The following GPHN variants were observed in gnomAD, a reference collection of about 807,000 sequenced individuals.
GPHN encodes the protein gephyrin.
A neutral mutation model predicts 95.5 loss-of-function variants in GPHN; 17 were observed. The ratio of observed to expected loss-of-function variants is 0.18; its 90% CI spans 0.12 to 0.27. The LOEUF (loss-of-function observed/expected upper bound fraction) is 0.27. Ranked by LOEUF, GPHN falls within the 10% of genes least tolerant of loss-of-function variation. GPHN has a pLI of 1.00. For missense variants in GPHN, 660 were observed against 978.1 expected (o/e 0.67, Z 4.34); for synonymous variants, 320 against 322.5 (o/e 0.99, Z 0.08).
At chr14:67,705,391 T>C in the GPHN span, among the ~76,000 whole-genome samples, 2 of 152,242 alleles carry the variant, frequency 1.3e-5, no homozygotes, top group African/African-American at 4.8e-5. Flanking sequence ...GTCAACAGTT[T>C]GAGAAATTTT....
At chr14:67,139,162 G>T (rs928968585) in intron 17 of GPHN, among the ~76,000 whole-genome samples, 4 of 151,512 alleles carry the variant, frequency 2.6e-5, no homozygotes, top group African/African-American at 9.7e-5. Flanking sequence ...GGCGGAGGTT[G>T]CAGTGAGCCG....
At chr14:66,597,193 C>A (rs2062020195) in intron 1 of GPHN, among the ~76,000 whole-genome samples, 2 of 152,162 alleles carry the variant, frequency 1.3e-5, no homozygotes, top group South Asian at 4.1e-4. Context: ...CGAGAAGAGA[C>A]AAACCGGGTT....
chr14:67,635,024 C>T, the GPHN span, among the ~76,000 whole-genome samples: 3 of 152,162 alleles, frequency 2.0e-5, no homozygotes, highest in South Asian at 2.1e-4. Context: ...GAGGGTGGAT[C>T]GCCTGAGGCC....
At chr14:67,557,350 GA>G in the GPHN span, 4 of 1,613,990 alleles carry the variant, frequency 2.5e-6, no homozygotes, top group Non-Finnish European at 3.4e-6. Flanking sequence ...GAAATACCAA[GA>G]ATTGCTGAAA....
the GPHN span, among the ~76,000 whole-genome samples, chr14:67,240,888 T>A: frequency 1.3e-5 from 2 of 152,222 alleles, no homozygotes; most frequent in South Asian, 4.1e-4. Context: ...CACATCCAGG[T>A]GTTTATGTCA....
intron 8 of GPHN, among the ~76,000 whole-genome samples, chr14:66,963,577 C>G (rs745528236): frequency 6.6e-6 from 1 of 151,852 alleles, no homozygotes; most frequent in African/African-American, 2.4e-5. Context: ...GGTATTTGAC[C>G]TTCTTTTAAA....
At chr14:67,303,516 T>C in the GPHN span, 19 of 1,607,302 alleles carry the variant, frequency 1.2e-5, no homozygotes, top group South Asian at 2.0e-4. Context: ...GATCTTTCTA[T>C]TACAGTCTGA....
chr14:67,627,256 G>GATATATATATATATATATAT, the GPHN span, among the ~76,000 whole-genome samples: 401 of 133,634 alleles, frequency 3.0e-3, 1 homozygote, highest in African/African-American at 8.5e-3. Context: ...TCAGTAAGGA[G>GATATATATATATATATATAT]ATATATATAT....
chr14:67,483,395 C>G, the GPHN span, among the ~76,000 whole-genome samples: 9 of 152,214 alleles, frequency 5.9e-5, no homozygotes, highest in African/African-American at 2.2e-4. Flanking sequence ...TCCTAATCAG[C>G]ACACTGCACT....
At chr14:66,837,750 G>T (rs1331420253) in intron 4 of GPHN, among the ~76,000 whole-genome samples, 3 of 151,670 alleles carry the variant, frequency 2.0e-5, no homozygotes, top group African/African-American at 7.3e-5. Flanking sequence ...TTGCAATTTT[G>T]AGAATAAGGC....
the GPHN span, among the ~76,000 whole-genome samples, chr14:67,213,941 T>C: frequency 6.6e-6 from 1 of 152,218 alleles, no homozygotes; most frequent in African/African-American, 2.4e-5. Flanking sequence ...TTTCATGTGT[T>C]TTTTGGCTGC....
chr14:66,782,666 A>AAAT (rs1489003137), intron 3 of GPHN, among the ~76,000 whole-genome samples: 1 of 152,022 alleles, frequency 6.6e-6, no homozygotes, highest in Non-Finnish European at 1.5e-5. Context: ...AAAAATACAA[A>AAAT]AATAATAATA....
At chr14:67,021,638 A>G (rs1489631970) in intron 9 of GPHN, among the ~76,000 whole-genome samples, 2 of 152,192 alleles carry the variant, frequency 1.3e-5, no homozygotes, top group East Asian at 3.9e-4. Context: ...TACATTAGAA[A>G]ATGTATATAA....
chr14:67,171,131 A>G (rs1239474578), intron 21 of GPHN, among the ~76,000 whole-genome samples: 1 of 152,154 alleles, frequency 6.6e-6, no homozygotes, highest in Non-Finnish European at 1.5e-5. Flanking sequence ...GGAGGATTGC[A>G]TGAGGCCAAG....
chr14:67,315,695 C>A, the GPHN span, among the ~76,000 whole-genome samples: 2 of 152,182 alleles, frequency 1.3e-5, no homozygotes, highest in African/African-American at 4.8e-5. Flanking sequence ...GGAGGCCAAG[C>A]AGGAGGATCA....
At chr14:67,473,084 T>C in the GPHN span, 3 of 288,436 alleles carry the variant, frequency 1.0e-5, no homozygotes, top group African/African-American at 2.1e-5. This position sits in a 1 kb window ranked among gnomAD's most constrained non-coding sequence, Gnocchi z 6.5. Flanking sequence ...CCATTCTCAT[T>C]GTCCCTTGGC....
the GPHN span, chr14:67,578,493 T>G: frequency 2.3e-6 from 3 of 1,313,102 alleles, no homozygotes; most frequent in South Asian, 3.7e-5. The surrounding 1 kb of genome is among the most constrained non-coding windows in gnomAD (Gnocchi z 5.0). Context: ...GGTGGTGCTG[T>G]AGGCCCAGCA....
At chr14:66,630,821 T>C (rs2063768059) in intron 1 of GPHN, among the ~76,000 whole-genome samples, 1 of 152,152 alleles carries the variant, frequency 6.6e-6, no homozygotes, top group South Asian at 2.1e-4. Flanking sequence ...GTCATGCCAG[T>C]TAATTACATA....
At chr14:67,184,212 TA>T (rs1201522390), downstream of GPHN, among the ~76,000 whole-genome samples, 1 of 152,180 alleles carries the variant, frequency 6.6e-6, no homozygotes, top group African/African-American at 2.4e-5. Context: ...GCCCAAAAGT[TA>T]TTAAAGTTAT....
Sources: allele counts gnomAD v4.1 joint callset (sites outside exome capture counted in the v4.1 genomes callset), GRCh38; gene constraint gnomAD v4.1.1; non-coding constraint Gnocchi (gnomAD v3.1); transcripts MANE v1.5; gene names NCBI Gene and HGNC (gene_info 2026-07-23, HGNC 2026-07-21).